NDUFA1: variants seen among roughly 807,000 people sequenced by gnomAD.
NDUFA1 encodes the protein NADH dehydrogenase [ubiquinone] 1 alpha subcomplex subunit 1.
For missense variants in NDUFA1, 42 were observed against 56.0 expected, an observed-to-expected ratio of 0.75 and a Z score of 0.80; for synonymous variants, 21 against 20.0, an observed-to-expected ratio of 1.05 and a Z score of -0.14.
intron 1 of NDUFA1, among the ~76,000 whole-genome samples, chrX:119,872,754 G>A (rs945619434): frequency 1.3e-4 from 13 of 101,201 alleles, no homozygotes; most frequent in Non-Finnish European, 2.6e-4. Flanking sequence ...TTCTGACCTC[G>A]GTTGATCCAC....
At chrX:119,875,739 T>C (rs2056434666) in intron 2 of NDUFA1, among the ~76,000 whole-genome samples, 1 of 111,843 alleles carries the variant, frequency 8.9e-6, no homozygotes, top group Non-Finnish European at 1.9e-5. Flanking sequence ...ATTCTGGCTC[T>C]GCTAATTCCT....
chrX:119,876,205 C>A (rs868645569), intron 2 of NDUFA1, among the ~76,000 whole-genome samples: 168 of 79,265 alleles, frequency 2.1e-3, no homozygotes, highest in Non-Finnish European at 1.7e-3. Context: ...GACTCCATCT[C>A]AAAAAAAAAA....
intron 1 of NDUFA1, 88 bp downstream of exon 1, chrX:119,872,101 C>T: frequency 1.1e-6 from 1 of 949,225 alleles, no homozygotes; most frequent in East Asian, 3.1e-5. Flanking sequence ...TGCGAACCCT[C>T]TCTCCGAGGT....
intron 1 of NDUFA1, among the ~76,000 whole-genome samples, chrX:119,872,591 T>C (rs926379921): frequency 4.6e-5 from 5 of 109,531 alleles, no homozygotes; most frequent in Admixed American, 3.9e-4. Flanking sequence ...CACTCCAGCC[T>C]GGGCAACAAG....
At chrX:119,873,058 T>A (rs1228904287) in intron 1 of NDUFA1, among the ~76,000 whole-genome samples, 4 of 104,054 alleles carry the variant, frequency 3.8e-5, no homozygotes, top group African/African-American at 7.3e-5. Context: ...TTTTTTTTTT[T>A]TTAAAAAAAA....
intron 2 of NDUFA1, among the ~76,000 whole-genome samples, chrX:119,875,817 A>G (rs770695578): frequency 9.0e-6 from 1 of 111,493 alleles, no homozygotes; most frequent in East Asian, 2.8e-4. Flanking sequence ...AAAAAATGGA[A>G]TGAGAATAAT....
chrX:119,873,383 A>G lies in NDUFA1; in HGVS notation c.182A>G (p.Tyr61Cys). ...CGCATCTCTGGAGTTGATCGTTACT[A>G]TGTGTCAAAGGTAAGATGCCACTCT... Reference protein sequence around the residue: ...DRRISGVDRYYVSKGLENID With the variant: ...DRRISGVDRYCVSKGLENID Residue 61 changes from tyrosine (Y) to cysteine (C), a missense_variant, in exon 2 of 3, where the codon TAT (tyrosine) becomes TGT (cysteine). Physicochemically the swap from Tyr to Cys is radical, Grantham distance 194. Transcript: ENST00000371437. The G allele has an allele frequency of 1.7e-6, 2 of 1,209,433 alleles. No homozygotes were observed. The highest frequency in any genetic ancestry group is 2.2e-6 in the Non-Finnish European group (2 of 893,672).
chrX:119,873,114 G>T (rs1306019164), intron 1 of NDUFA1, among the ~76,000 whole-genome samples, 190 bp from the exon 2 acceptor site: 4 of 106,088 alleles, frequency 3.8e-5, no homozygotes, highest in African/African-American at 6.9e-5. Context: ...AAAGTCACAG[G>T]TACCAACTTA....
At chrX:119,875,077 A>G (rs1312246764) in intron 2 of NDUFA1, among the ~76,000 whole-genome samples, 1 of 111,236 alleles carries the variant, frequency 9.0e-6, no homozygotes, top group Non-Finnish European at 1.9e-5. Context: ...GGTAGTTGAG[A>G]ATCTAATCCA....
chrX:119,872,953 AATTT>A (rs2056421496), intron 1 of NDUFA1, among the ~76,000 whole-genome samples: 1 of 109,801 alleles, frequency 9.1e-6, no homozygotes, highest in Non-Finnish European at 1.9e-5. Context: ...ACAGGATATA[AATTT>A]ATTTACTTTT....
rs751262797 is a variant in NDUFA1, at chrX:119,873,362, T to C, written c.161T>C (p.Ile54Thr). ...AGTCTGATGGAAAGAGATAGGCGCA[T>C]CTCTGGAGTTGATCGTTACTATGTG... The part of the protein sequence containing the change: ...HWSLMERDRR[I>T]SGVDRYYVSK... Residue 54 changes from isoleucine (I) to threonine (T), a missense_variant, in exon 2 of 3, where the codon ATC (isoleucine) becomes ACC (threonine). Coordinates refer to ENST00000371437, the MANE Select transcript of NDUFA1 (RefSeq NM_004541.4). 1.7e-6 allele frequency: 2 copies of C among 1,210,565 alleles called. No individual in the cohort carries two copies. The highest frequency in any genetic ancestry group is 3.5e-5 in the South Asian group (2 of 56,952).
At chrX:119,876,450 A>C in intron 2 of NDUFA1, 64 bp from the exon 3 acceptor site, 1 of 1,118,939 alleles carries the variant, frequency 8.9e-7, no homozygotes, top group Non-Finnish European at 1.2e-6. Context: ...TGGAAATAAA[A>C]GTACATGGCA....
chrX:119,875,721 G>T (rs1401421047), intron 2 of NDUFA1, among the ~76,000 whole-genome samples: 1 of 111,395 alleles, frequency 9.0e-6, no homozygotes, highest in Non-Finnish European at 1.9e-5. Context: ...GGGAGTTGGG[G>T]TCCCTGAATT....
rs1446936893 is a variant in NDUFA1 at position 119,871,890 on chromosome X, T to C, written c.-22T>C. 90 of 1,201,459 alleles carry C rather than the reference T, an allele frequency of 7.5e-5. No individual in the cohort carries two copies. Among genetic ancestry groups the C allele is most frequent in the Non-Finnish European group, 9.8e-5 (87 of 886,220 alleles). ...TTTCAAGGACCCAGAAGTAGGGTTT[T>C]GGCCTAGGTAACGGGGCAGAGATGT... On this transcript the variant is annotated 5_prime_UTR_variant, in exon 1 of 3. Transcript: ENST00000371437.
At chrX:119,872,129 C>G (rs893202575) in intron 1 of NDUFA1, 116 bp downstream of exon 1, 6 of 732,900 alleles carry the variant, frequency 8.2e-6, no homozygotes, top group Middle Eastern at 3.2e-4. Context: ...CTACTTGCTT[C>G]CGGTTGCCTA....
At chrX:119,873,226 C>T in intron 1 of NDUFA1, 78 bp from the exon 2 acceptor site, 3 of 745,304 alleles carry the variant, frequency 4.0e-6, no homozygotes, top group Non-Finnish European at 4.2e-6. Context: ...CTGGAATGTC[C>T]CTTTTAAAAA....
chrX:119,873,390 A>G lies in NDUFA1; in HGVS notation c.189A>G (p.Ser63=). The change falls in exon 2 of 3, where the codon TCA becomes TCG. Residue 63 remains serine, a synonymous_variant. Transcript: ENST00000371437. ...RISGVDRYYV[S]KGLENID ...CTGGAGTTGATCGTTACTATGTGTCAAAGGTAAGATGCCACTCTGATGCCA... is the reference window on the plus strand; with the variant it reads ...CTGGAGTTGATCGTTACTATGTGTCGAAGGTAAGATGCCACTCTGATGCCA... The G allele has an allele frequency of 8.3e-7, 1 of 1,208,391 alleles. No homozygotes were observed. The highest frequency in any genetic ancestry group is 3.0e-5 in the East Asian group (1 of 33,844).
At position 119,873,168 on chromosome X, in the gene NDUFA1, CT is replaced by C. The variant is rs3214124; in HGVS notation, c.103-133del. ...CTGATTTTATTTAGGAGATTCTGTT[CT>C]TTGTACTACTAATTTGCATTTTTAT... is the stretch of plus-strand genomic sequence containing the variant. On this transcript the variant is annotated intron_variant, in intron 1 of 2. Transcript: ENST00000371437. 38,700 of 484,235 alleles carry C rather than the reference CT, an allele frequency of 0.08. 1,378 individuals carry two copies. The highest frequency in any genetic ancestry group is 0.2 in the East Asian group (4,982 of 25,534). 39.9% of individuals were successfully genotyped at this position (484,235 alleles called of 1,213,427 possible). A position where few individuals can be genotyped will look rare whatever the true frequency, so the allele number is the denominator to read the frequency against.
At chrX:119,874,589 C>T (rs1366844680) in intron 2 of NDUFA1, among the ~76,000 whole-genome samples, 2 of 111,151 alleles carry the variant, frequency 1.8e-5, no homozygotes, top group African/African-American at 6.5e-5. Context: ...CAAGGTCTCA[C>T]GCTGTCACTC....
Sources: allele counts gnomAD v4.1 joint callset (sites outside exome capture counted in the v4.1 genomes callset), GRCh38; gene constraint gnomAD v4.1.1; transcripts MANE v1.5; gene names NCBI Gene and HGNC (gene_info 2026-07-23, HGNC 2026-07-21).